Variants in ANKMY1 observed in about 807,000 individuals in gnomAD.
ANKMY1 encodes ankyrin repeat and MYND domain containing 1.
Under a neutral mutation model 102.0 loss-of-function variants are expected in ANKMY1, and 98 were observed. The ratio of observed to expected loss-of-function variants is 0.96; its 90% CI spans 0.82 to 1.14. The LOEUF (loss-of-function observed/expected upper bound fraction) is 1.14, where lower values mean the gene tolerates loss of function less well. ANKMY1 is among the 50% of genes most tolerant of loss of function. The pLI is 0.00. For synonymous variants in ANKMY1, 582 were observed against 559.9 expected (o/e 1.04, Z -0.56); for missense variants, 1,330 against 1,347.6 (o/e 0.99, Z 0.20).
intron 13 of ANKMY1, among the ~76,000 whole-genome samples, chr2:240,504,587 A>T (rs778132797): frequency 7.2e-5 from 11 of 152,374 alleles, no homozygotes; most frequent in Middle Eastern, 3.4e-3. Context: ...ATATTAAAAA[A>T]AAAGATTCAA....
intron 15 of ANKMY1, among the ~76,000 whole-genome samples, chr2:240,484,825 A>T (rs1165517692): frequency 6.6e-6 from 1 of 152,236 alleles, no homozygotes; most frequent in Non-Finnish European, 1.5e-5. Flanking sequence ...TAATATCAAG[A>T]ATCTACAAAG....
chr2:240,530,181 G>A (rs1433218586), intron 4 of ANKMY1, among the ~76,000 whole-genome samples: 1 of 152,226 alleles, frequency 6.6e-6, no homozygotes, highest in Non-Finnish European at 1.5e-5. Flanking sequence ...AACAACCAGT[G>A]AGCGGCCACT....
rs199953888 is a variant in ANKMY1 at position 240,529,085 on chromosome 2, T to C, written c.905A>G (p.Asn302Ser). 2.6e-4 allele frequency: 418 copies of C among 1,614,170 alleles called. 4 individuals carry two copies. The highest frequency in any genetic ancestry group is 1.7e-3 in the South Asian group (151 of 91,082). Reference protein sequence around the residue: ...VEDGEPWFIINETPLLVKIQK... With the variant: ...VEDGEPWFIISETPLLVKIQK... The stretch of plus-strand genomic sequence containing the variant: ...GATTTTGACCAACAAAGGGGTCTCA[T>C]TGATTATGAACCATGGTTCTCCATC... Residue 302 changes from asparagine (N) to serine (S), a missense_variant, in exon 5 of 18, where the codon AAT becomes AGT. By Grantham distance (46) the Asn-to-Ser change is conservative (BLOSUM62 1). Coordinates refer to ENST00000401804, the MANE Select transcript of ANKMY1 (RefSeq NM_001282771.3). This position sits in a 1 kb window ranked among gnomAD's most constrained non-coding sequence, Gnocchi z 4.2.
rs1029421736 is a variant in ANKMY1 at position 240,513,066 on chromosome 2, A to T, written c.2005-124T>A. 15 of 1,343,964 alleles carry T rather than the reference A, an allele frequency of 1.1e-5. No individual in the cohort carries two copies. In the African/African-American group the frequency reaches 2.2e-4, roughly 20 times the overall value. The allele number at this position is 1,343,964 out of a possible 1,614,324, so 83.3% of individuals were successfully genotyped here. A position where few individuals can be genotyped will look rare whatever the true frequency, so the allele number is the denominator to read the frequency against. ...CTCCAAGGGCACCATTCTCAGCCTC[A>T]CCTGCCTCACAACGTGCAGGCTACT... On this transcript the variant is annotated intron_variant, in intron 9 of 17. Transcript: ENST00000401804.
chr2:240,554,248 G>A (rs1034292120), intron 3 of ANKMY1: 1 of 152,350 alleles, frequency 6.6e-6, no homozygotes, highest in African/African-American at 2.4e-5. Flanking sequence ...CGTCCTGCTG[G>A]GGCCTTTCTC....
At chr2:240,540,375 C>T (rs531191396) in intron 4 of ANKMY1, among the ~76,000 whole-genome samples, 1 of 152,338 alleles carries the variant, frequency 6.6e-6, no homozygotes, top group East Asian at 1.9e-4. Flanking sequence ...GCCCCATAGA[C>T]AGTTTTTAGG....
At chr2:240,472,731 T>C in the ANKMY1 span, among the ~76,000 whole-genome samples, 4 of 152,200 alleles carry the variant, frequency 2.6e-5, no homozygotes. Flanking sequence ...CAACAGATCT[T>C]TATCTGCCAA....
chr2:240,489,467 A>AAG (rs1327478184), intron 15 of ANKMY1, among the ~76,000 whole-genome samples: 2 of 152,096 alleles, frequency 1.3e-5, no homozygotes, highest in East Asian at 3.8e-4. Flanking sequence ...AAAAAAAAAA[A>AAG]AAAGAGTTTT....
In ANKMY1 at chr2:240,525,750, G is replaced by T. The variant is rs144217450; in HGVS notation, c.1270C>A (p.Leu424Ile). 1.1e-4 allele frequency: 177 copies of T among 1,614,162 alleles called. No individual in the cohort carries two copies. The highest frequency in any genetic ancestry group is 9.6e-4 in the African/African-American group (72 of 75,036). The change falls in exon 7 of 18, where the codon CTC becomes ATC. Residue 424 changes from leucine to isoleucine, a missense_variant. Coordinates refer to ENST00000401804, the MANE Select transcript of ANKMY1 (RefSeq NM_001282771.3). ...EGLTALSMCF[L>I]LHYPAQSFKP... Reference sequence around the variant, plus strand: ...AAGGACTGGGCGGGGTAGTGGAGGAGGAAACACATGCTGAGTGCCGTGAGA... The same window carrying T: ...AAGGACTGGGCGGGGTAGTGGAGGATGAAACACATGCTGAGTGCCGTGAGA...
chr2:240,507,096 T>C (rs1490348858), intron 13 of ANKMY1, among the ~76,000 whole-genome samples: 5 of 151,946 alleles, frequency 3.3e-5, no homozygotes, highest in Non-Finnish European at 5.9e-5. Context: ...TTCAGGGAAC[T>C]TTTTTGTCTG....
chr2:240,505,190 G>A (rs1345921983), intron 13 of ANKMY1, among the ~76,000 whole-genome samples: 2 of 151,996 alleles, frequency 1.3e-5, no homozygotes, highest in African/African-American at 2.4e-5. Flanking sequence ...GGCCGGGCGC[G>A]GTGGCTCAGG....
At chr2:240,492,693 A>AT (rs990887356) in intron 15 of ANKMY1, among the ~76,000 whole-genome samples, 10 of 151,630 alleles carry the variant, frequency 6.6e-5, no homozygotes, top group Non-Finnish European at 1.2e-4. Context: ...ATTATTTTGA[A>AT]TTTTTTTTTA....
At chr2:240,479,871 A>G (rs1311112294) in intron 17 of ANKMY1, among the ~76,000 whole-genome samples, 1 of 152,150 alleles carries the variant, frequency 6.6e-6, no homozygotes, top group Non-Finnish European at 1.5e-5. Flanking sequence ...CCCATCCTGG[A>G]GTCTACAAGC....
upstream of ANKMY1, among the ~76,000 whole-genome samples, chr2:240,559,194 T>C (rs1417164317): frequency 6.6e-6 from 1 of 152,172 alleles, no homozygotes; most frequent in Non-Finnish European, 1.5e-5. Flanking sequence ...ATTACCTCAA[T>C]GGAGTGGGAG....
At chr2:240,524,633 C>T (rs1473742828) in intron 7 of ANKMY1, among the ~76,000 whole-genome samples, 2 of 152,240 alleles carry the variant, frequency 1.3e-5, no homozygotes, top group African/African-American at 4.8e-5. Flanking sequence ...GCTAAGCTCA[C>T]AAAATGTGGC....
chr2:240,492,693 AT>A (rs990887356), intron 15 of ANKMY1, among the ~76,000 whole-genome samples: 2 of 151,630 alleles, frequency 1.3e-5, no homozygotes, highest in Non-Finnish European at 2.9e-5. Context: ...ATTATTTTGA[AT>A]TTTTTTTTAA....
chr2:240,513,881 G>A (rs60904131), intron 9 of ANKMY1, among the ~76,000 whole-genome samples: 19,573 of 152,288 alleles, frequency 0.13, 1,369 homozygotes, highest in African/African-American at 0.19. Context: ...ACAGAAAAGA[G>A]AATATAATGC....
chr2:240,557,592 T>A (rs932384161), intron 1 of ANKMY1, among the ~76,000 whole-genome samples: 3 of 152,284 alleles, frequency 2.0e-5, no homozygotes, highest in Admixed American at 6.5e-5. Context: ...TGTCCCTTCG[T>A]GGGCGGGAAT....
At chr2:240,521,014 A>AG (rs1351600724) in intron 8 of ANKMY1, among the ~76,000 whole-genome samples, 1 of 152,064 alleles carries the variant, frequency 6.6e-6, no homozygotes, top group African/African-American at 2.4e-5. Context: ...CACACCTCTG[A>AG]GGGGTCACTG....
Sources: allele counts gnomAD v4.1 joint callset (sites outside exome capture counted in the v4.1 genomes callset), GRCh38; gene constraint gnomAD v4.1.1; non-coding constraint Gnocchi (gnomAD v3.1); transcripts MANE v1.5; gene names NCBI Gene and HGNC (gene_info 2026-07-23, HGNC 2026-07-21).